The following RBFOX1 variants were observed in gnomAD, a reference collection of about 807,000 sequenced individuals.
RBFOX1 encodes RNA binding protein fox-1 homolog 1.
Under a neutral mutation model 57.7 loss-of-function variants are expected in RBFOX1, and 8 were observed. That is an observed-to-expected ratio of 0.14 (90% confidence interval 0.08 to 0.25). RBFOX1 has a LOEUF of 0.25. Among genes scored for constraint, RBFOX1 ranks in the 10% least tolerant of loss-of-function variants. RBFOX1 has a pLI of 1.00. For synonymous variants in RBFOX1, 326 were observed against 222.4 expected, an observed-to-expected ratio of 1.47 and a Z score of -4.15; for missense variants, 611 against 548.5, an observed-to-expected ratio of 1.11 and a Z score of -1.14.
intron 3 of RBFOX1, among the ~76,000 whole-genome samples, chr16:6,874,699 C>A (rs1289116173): frequency 6.6e-6 from 1 of 151,784 alleles, no homozygotes; most frequent in Non-Finnish European, 1.5e-5. Context: ...CTAACATATT[C>A]TCGCTTATAA....
intron 3 of RBFOX1, among the ~76,000 whole-genome samples, chr16:5,684,642 C>T (rs1023766298): frequency 2.0e-5 from 3 of 152,094 alleles, no homozygotes; most frequent in African/African-American, 7.2e-5. Flanking sequence ...TAAATGGGAC[C>T]CAAAGTTTGG....
chr16:6,351,413 G>T (rs1241216415), intron 2 of RBFOX1, among the ~76,000 whole-genome samples: 3 of 118,226 alleles, frequency 2.5e-5, no homozygotes, highest in East Asian at 2.4e-4. Flanking sequence ...TGCTCTTGTT[G>T]CCCAGGCTGG....
chr16:7,030,281 C>G (rs1275538875), intron 3 of RBFOX1, among the ~76,000 whole-genome samples: 3 of 152,130 alleles, frequency 2.0e-5, no homozygotes, highest in Non-Finnish European at 2.9e-5. Flanking sequence ...GGAGTCAGGA[C>G]TTTCATACCC....
intron 2 of RBFOX1, among the ~76,000 whole-genome samples, chr16:6,542,443 G>A (rs535817029): frequency 1.4e-4 from 20 of 145,848 alleles, no homozygotes; most frequent in African/African-American, 4.8e-4. Context: ...GTGTCTCAGT[G>A]GATAATCGCA....
chr16:7,305,772 A>T (rs17143368), intron 4 of RBFOX1, among the ~76,000 whole-genome samples: 5,609 of 152,318 alleles, frequency 0.037, 242 homozygotes, highest in African/African-American at 0.097. Flanking sequence ...GAACAGTCTT[A>T]AAAAAATCTT....
intron 2 of RBFOX1, among the ~76,000 whole-genome samples, chr16:6,550,398 A>C (rs1054443033): frequency 3.9e-5 from 6 of 152,122 alleles, no homozygotes; most frequent in African/African-American, 1.4e-4. Context: ...GCTGGTCTCC[A>C]GTTCATGGCC....
chr16:6,162,443 C>T (rs954198873), intron 1 of RBFOX1, among the ~76,000 whole-genome samples: 4 of 152,082 alleles, frequency 2.6e-5, no homozygotes, highest in African/African-American at 7.2e-5. Flanking sequence ...CAGGAAGTGC[C>T]AGGCATGCTT....
intron 3 of RBFOX1, among the ~76,000 whole-genome samples, chr16:6,800,159 C>G (rs1329674506): frequency 6.6e-6 from 1 of 150,922 alleles, no homozygotes; most frequent in African/African-American, 2.5e-5. Flanking sequence ...AATTTCTTTG[C>G]GACATCCAGT....
intron 3 of RBFOX1, among the ~76,000 whole-genome samples, chr16:7,037,111 C>G (rs561703270): frequency 6.6e-6 from 1 of 151,972 alleles, no homozygotes; most frequent in South Asian, 2.1e-4. Context: ...TTACTGCAAA[C>G]TGTTCTATCA....
intron 2 of RBFOX1, among the ~76,000 whole-genome samples, chr16:5,503,589 G>T (rs542136324): frequency 6.6e-6 from 1 of 152,256 alleles, no homozygotes; most frequent in East Asian, 1.9e-4. Context: ...GACTATAGGT[G>T]TGAGCCACCA....
At chr16:7,408,133 C>G (rs1016740995) in intron 4 of RBFOX1, among the ~76,000 whole-genome samples, 1 of 152,174 alleles carries the variant, frequency 6.6e-6, no homozygotes, top group Non-Finnish European at 1.5e-5. Flanking sequence ...ACATGGGGGT[C>G]AGAACATACA....
chr16:7,192,583 G>A (rs1022816025), intron 4 of RBFOX1, among the ~76,000 whole-genome samples: 1 of 152,124 alleles, frequency 6.6e-6, no homozygotes, highest in East Asian at 1.9e-4. Flanking sequence ...AATCATAGAG[G>A]AGATCCAGAC....
intron 1 of RBFOX1, among the ~76,000 whole-genome samples, chr16:5,311,553 C>T (rs924828528): frequency 9.9e-5 from 15 of 152,160 alleles, no homozygotes; most frequent in African/African-American, 3.6e-4. Flanking sequence ...CACATCCATG[C>T]CAACATCTCT....
chr16:7,375,023 C>T (rs2097658507), intron 4 of RBFOX1, among the ~76,000 whole-genome samples: 1 of 152,286 alleles, frequency 6.6e-6, no homozygotes, highest in South Asian at 2.1e-4. Flanking sequence ...TCCGTTTATG[C>T]CCATCTGGCT....
chr16:6,933,170 A>G (rs1419910118), intron 3 of RBFOX1, among the ~76,000 whole-genome samples: 2 of 152,092 alleles, frequency 1.3e-5, no homozygotes, highest in African/African-American at 4.8e-5. Context: ...TTCCTTCCAC[A>G]CTTGAGTTAC....
chr16:7,012,770 T>G (rs181998429), intron 3 of RBFOX1, among the ~76,000 whole-genome samples: 2 of 152,312 alleles, frequency 1.3e-5, no homozygotes, highest in African/African-American at 2.4e-5. Flanking sequence ...AATGTTTCCT[T>G]TCAAGTTTTG....
chr16:6,947,272 C>G (rs1214638949), intron 3 of RBFOX1, among the ~76,000 whole-genome samples: 1 of 152,036 alleles, frequency 6.6e-6, no homozygotes, highest in Non-Finnish European at 1.5e-5. Context: ...CTGTTTTTCA[C>G]CTTGATTTTG....
At chr16:6,371,568 C>G (rs769606939) in intron 2 of RBFOX1, among the ~76,000 whole-genome samples, 1 of 152,054 alleles carries the variant, frequency 6.6e-6, no homozygotes, top group Non-Finnish European at 1.5e-5. Flanking sequence ...TTCCTTGGCA[C>G]CAGAAGATAT....
At chr16:5,507,152 A>G (rs1458777085) in intron 2 of RBFOX1, among the ~76,000 whole-genome samples, 2 of 152,092 alleles carry the variant, frequency 1.3e-5, no homozygotes, top group African/African-American at 2.4e-5. Context: ...TGTGGTCAGG[A>G]TGAAGAAAAC....
Sources: allele counts gnomAD v4.1 joint callset (sites outside exome capture counted in the v4.1 genomes callset), GRCh38; gene constraint gnomAD v4.1.1; transcripts MANE v1.5; gene names NCBI Gene and HGNC (gene_info 2026-07-23, HGNC 2026-07-21).